THOC1: variants seen among roughly 807,000 people sequenced by gnomAD.
The protein encoded by THOC1 is THO complex 1.
A neutral mutation model predicts 97.3 loss-of-function variants in THOC1; 29 were observed. That is an observed-to-expected ratio of 0.30 (90% CI 0.22 to 0.41). THOC1 has a LOEUF of 0.41. Ranked by LOEUF, THOC1 falls within the 10% of genes least tolerant of loss-of-function variation. THOC1 has a pLI of 1.00. For missense variants in THOC1, 529 were observed against 761.9 expected (o/e 0.69, Z 3.60); for synonymous variants, 255 against 257.0 (o/e 0.99, Z 0.07).
At chr18:236,498 AG>A (rs1243359270) in intron 11 of THOC1, among the ~76,000 whole-genome samples, 1 of 138,052 alleles carries the variant, frequency 7.2e-6, no homozygotes, top group Non-Finnish European at 1.5e-5. Context: ...TGGGAACTAC[AG>A]GCGCCCGCTA....
intron 11 of THOC1, among the ~76,000 whole-genome samples, chr18:239,465 C>T (rs552007821): frequency 5.3e-5 from 8 of 152,170 alleles, no homozygotes; most frequent in South Asian, 2.1e-4. Context: ...CCACCACGCC[C>T]GGCTAATTTT....
chr18:247,746 G>C (rs1400565362), intron 10 of THOC1, 103 bp downstream of exon 10: 3 of 673,908 alleles, frequency 4.5e-6, no homozygotes. Flanking sequence ...AAATGTAAGA[G>C]GCAGAATTAC....
chr18:250,205 AT>A (rs920008389), intron 9 of THOC1, among the ~76,000 whole-genome samples: 40 of 152,296 alleles, frequency 2.6e-4, no homozygotes, highest in African/African-American at 9.1e-4. Flanking sequence ...GCATTAATAT[AT>A]TTTTAAAAAT....
intron 12 of THOC1, 123 bp downstream of exon 12, chr18:226,678 A>G: frequency 1.6e-6 from 1 of 639,378 alleles, no homozygotes; most frequent in Non-Finnish European, 2.7e-6. Flanking sequence ...ATCAGCTGCA[A>G]TACATGTGTT....
At chr18:223,339 C>G (rs907172533) in intron 17 of THOC1, 101 bp downstream of exon 17, 2 of 945,344 alleles carry the variant, frequency 2.1e-6, no homozygotes, top group South Asian at 2.1e-5. Context: ...CCACAATAAA[C>G]TTTTAAATTT....
At chr18:221,506 C>G (rs949354997) in intron 17 of THOC1, among the ~76,000 whole-genome samples, 21 of 151,782 alleles carry the variant, frequency 1.4e-4, no homozygotes, top group African/African-American at 5.1e-4. Flanking sequence ...ATCAATATAA[C>G]TATGCCTTTT....
In THOC1 at chr18:265,518, C is replaced by T; in HGVS notation, c.67G>A (p.Glu23Lys). The T allele has an allele frequency of 6.3e-7, 1 of 1,578,856 alleles. No individual in the cohort carries two copies. The highest frequency in any genetic ancestry group is 1.9e-5 in the Admixed American group (1 of 52,692). ...TTGATGTTTTTGTTGTTCAAGGCCT[C>T]TCTGGTAGACTTCTAAAAAAAAATT... ...ARTRFTKSTR[E>K]ALNNKNIKPL... is the part of the protein sequence containing the mutation. Residue 23 changes from glutamate (E) to lysine (K), a missense_variant, in exon 2 of 21, where the codon GAG becomes AAG. By Grantham distance (56) the Glu-to-Lys change is moderately conservative. This residue lies in a region of THOC1 where 114 missense variants were observed against 97.4 expected (regional missense o/e 1.17). Transcript: ENST00000261600.
At chr18:249,437 C>A (rs1284095820) in intron 9 of THOC1, among the ~76,000 whole-genome samples, 1 of 152,018 alleles carries the variant, frequency 6.6e-6, no homozygotes. Context: ...GAGGCTGAGG[C>A]GGGCGGATCA....
chr18:228,015 T>C (rs143954439), intron 11 of THOC1, among the ~76,000 whole-genome samples: 2 of 152,218 alleles, frequency 1.3e-5, no homozygotes, highest in South Asian at 4.1e-4. Context: ...ATATATTTGA[T>C]TGTTATTTAT....
chr18:214,606 A>AAAAAG lies in THOC1; in HGVS notation c.*15_*19dup. 6.3e-7 allele frequency: 1 copy of AAAAAG among 1,580,206 alleles called. No individual in the cohort carries two copies. Among genetic ancestry groups the AAAAAG allele is most frequent in the Non-Finnish European group, 8.6e-7 (1 of 1,163,780 alleles). On this transcript the variant is annotated 3_prime_UTR_variant, in exon 21 of 21. Coordinates refer to ENST00000261600, the MANE Select transcript of THOC1 (RefSeq NM_005131.3). ...TAACAAAATCTATCACAGTTTTAAT[A>AAAAAG]AAAAGAAAAAAAAAAGAAGCTAACT...
intron 4 of THOC1, chr18:263,764 ATAG>A: frequency 2.7e-6 from 1 of 373,296 alleles, no homozygotes; most frequent in Non-Finnish European, 4.9e-6. Flanking sequence ...TACCAGGCAC[ATAG>A]TAGATGCTCA....
intron 11 of THOC1, among the ~76,000 whole-genome samples, chr18:228,272 C>A (rs1483137749): frequency 6.6e-6 from 1 of 152,160 alleles, no homozygotes; most frequent in Non-Finnish European, 1.5e-5. Context: ...CTCTATCCTT[C>A]CCAGGTCTCT....
chr18:215,525 T>G (rs771644006), intron 19 of THOC1, 21 bp from the exon 20 acceptor site: 1 of 1,593,488 alleles, frequency 6.3e-7, no homozygotes, highest in South Asian at 1.1e-5. Context: ...GAAAGAAGAA[T>G]GTTTGAAAGA....
At chr18:218,629 A>G (rs956994440) in intron 18 of THOC1, among the ~76,000 whole-genome samples, 1 of 152,134 alleles carries the variant, frequency 6.6e-6, no homozygotes, top group Non-Finnish European at 1.5e-5. Context: ...TAATAGTTGG[A>G]GAGAAATGGG....
intron 11 of THOC1, among the ~76,000 whole-genome samples, chr18:235,216 A>G (rs527914725): frequency 5.9e-5 from 9 of 151,810 alleles, no homozygotes; most frequent in African/African-American, 2.2e-4. Context: ...CTCTATGTCA[A>G]TTTTTACTGT....
At position 242,202 on chromosome 18, in the gene THOC1, C is replaced by T. The variant is rs574389612; in HGVS notation, c.918+4122G>A. Reference sequence around the variant, plus strand: ...ATAAAGTTTATATCATCTGGCTGGGCGTGGTGGCTCACGCCTGTAATCCCT... The same window carrying T: ...ATAAAGTTTATATCATCTGGCTGGGTGTGGTGGCTCACGCCTGTAATCCCT... On this transcript the variant is annotated intron_variant, in intron 11 of 20. Transcript: ENST00000261600. This position sits in a 1 kb window ranked among gnomAD's most constrained non-coding sequence, Gnocchi z 4.5. Among the ~76,000 whole-genome samples, 35 of 152,290 alleles carry T rather than the reference C, an allele frequency of 2.3e-4. No individual in the cohort carries two copies. In the South Asian group the frequency reaches 3.9e-3, roughly 17 times the overall value.
intron 7 of THOC1, among the ~76,000 whole-genome samples, chr18:257,506 GA>G: frequency 6.6e-6 from 1 of 152,202 alleles, no homozygotes; most frequent in Non-Finnish European, 1.5e-5. Context: ...TATACTGACA[GA>G]TACAGAAACA....
intron 17 of THOC1, among the ~76,000 whole-genome samples, chr18:221,754 G>T (rs757111367): frequency 7.9e-5 from 12 of 151,860 alleles, no homozygotes; most frequent in South Asian, 4.2e-4. Context: ...GACTACAGGC[G>T]CCTGCCACCA....
chr18:265,429 G>A (rs768613097), intron 2 of THOC1, 28 bp downstream of exon 2: 36 of 1,586,220 alleles, frequency 2.3e-5, no homozygotes, highest in Non-Finnish European at 3.0e-5. Context: ...ATTGAGGCAA[G>A]TATTTTTCAT....
Sources: allele counts gnomAD v4.1 joint callset (sites outside exome capture counted in the v4.1 genomes callset), GRCh38; gene constraint gnomAD v4.1.1; regional missense constraint gnomAD v4.1.1; non-coding constraint Gnocchi (gnomAD v3.1); transcripts MANE v1.5; gene names NCBI Gene and HGNC (gene_info 2026-07-23, HGNC 2026-07-21).